Variants in MMP16 observed in about 807,000 individuals in gnomAD.
MMP16 encodes the protein matrix metalloproteinase-16.
In MMP16, 12 loss-of-function variants were observed where a neutral mutation model predicts 67.8. The ratio of observed to expected loss-of-function variants is 0.18; its 90% CI spans 0.11 to 0.29. MMP16 has a LOEUF of 0.29. Ranked by LOEUF, MMP16 falls within the 10% of genes least tolerant of loss-of-function variation. The pLI is 1.00. For missense variants in MMP16, 475 were observed against 765.7 expected, an observed-to-expected ratio of 0.62 and a Z score of 4.48; for synonymous variants, 249 against 255.9, an observed-to-expected ratio of 0.97 and a Z score of 0.26.
intron 7 of MMP16, among the ~76,000 whole-genome samples, chr8:88,061,612 A>G (rs1253442343): frequency 6.6e-6 from 1 of 152,038 alleles, no homozygotes; most frequent in African/African-American, 2.4e-5. Flanking sequence ...GCCCTGGTGC[A>G]TGGAGCAGGA....
chr8:88,188,655 T>G (rs1299503392), intron 2 of MMP16, among the ~76,000 whole-genome samples: 1 of 141,526 alleles, frequency 7.1e-6, no homozygotes, highest in Non-Finnish European at 1.6e-5. Flanking sequence ...AAAGAACAGA[T>G]TTTTTTTTTT....
chr8:88,260,422 A>AT lies in MMP16; in HGVS notation c.133-63117dup, dbSNP rs1214861114. Reference sequence around the variant, plus strand: ...TGCTACTTTTTTCACTTAAAAGTTTATTTTTTTTCGGATTTCTGGAGTCAA... The same window carrying AT: ...TGCTACTTTTTTCACTTAAAAGTTTATTTTTTTTTCGGATTTCTGGAGTCAA... On this transcript the variant is annotated intron_variant, in intron 1 of 9. Transcript: ENST00000286614. 1.1e-4 allele frequency among the ~76,000 whole-genome samples: 16 copies of AT among 151,808 alleles called. No homozygotes were observed. In the South Asian group the frequency reaches 1.2e-3, roughly 12 times the overall value.
chr8:88,319,541 T>C (rs1387826670), intron 1 of MMP16, among the ~76,000 whole-genome samples: 1 of 151,910 alleles, frequency 6.6e-6, no homozygotes, highest in Non-Finnish European at 1.5e-5. Context: ...AAAAACAAAT[T>C]TCTAATTATT....
intron 1 of MMP16, among the ~76,000 whole-genome samples, chr8:88,307,684 A>C (rs1022106709): frequency 6.6e-6 from 1 of 152,032 alleles, no homozygotes; most frequent in African/African-American, 2.4e-5. Context: ...TAGTATCACA[A>C]AAATTACTTA....
intron 6 of MMP16, among the ~76,000 whole-genome samples, chr8:88,105,932 T>G (rs557196621): frequency 6.6e-6 from 1 of 151,040 alleles, no homozygotes; most frequent in Middle Eastern, 3.4e-3. Context: ...GAGGTAACTG[T>G]TCTTAACATT....
intron 7 of MMP16, among the ~76,000 whole-genome samples, chr8:88,060,740 C>T (rs1201274796): frequency 6.6e-6 from 1 of 152,070 alleles, no homozygotes; most frequent in Non-Finnish European, 1.5e-5. Context: ...GTGTGAATAA[C>T]TTGAGGAAAA....
At chr8:88,183,741 G>A (rs1809021904) in intron 3 of MMP16, among the ~76,000 whole-genome samples, 1 of 116,814 alleles carries the variant, frequency 8.6e-6, no homozygotes, top group Non-Finnish European at 1.7e-5. Flanking sequence ...TTGAGATGGA[G>A]TTTCACTCTT....
At chr8:88,078,002 A>C (rs1021428202) in intron 6 of MMP16, among the ~76,000 whole-genome samples, 1 of 151,920 alleles carries the variant, frequency 6.6e-6, no homozygotes, top group Non-Finnish European at 1.5e-5. Flanking sequence ...TGGATCTCTA[A>C]ATCTGCTATT....
At chr8:88,273,248 C>CTTTTTTTTTT (rs575063640) in intron 1 of MMP16, among the ~76,000 whole-genome samples, 1 of 132,326 alleles carries the variant, frequency 7.6e-6, no homozygotes. Flanking sequence ...CCATGCCTGG[C>CTTTTTTTTTT]TTTTTTTTTT....
At chr8:88,269,768 C>A (rs1023810646) in intron 1 of MMP16, among the ~76,000 whole-genome samples, 26 of 152,220 alleles carry the variant, frequency 1.7e-4, no homozygotes, top group Middle Eastern at 3.4e-3. Context: ...TGCTCTACGA[C>A]CTATTAAAAT....
At chr8:88,196,657 G>T (rs986842213) in intron 2 of MMP16, among the ~76,000 whole-genome samples, 2 of 152,104 alleles carry the variant, frequency 1.3e-5, no homozygotes, top group Non-Finnish European at 2.9e-5. Flanking sequence ...GTCAGCAGTG[G>T]GGAGTTAGTA....
At position 88,041,795 on chromosome 8, in the gene MMP16, C is replaced by G; in HGVS notation, c.1490G>C (p.Gly497Ala). The change falls in exon 10 of 10, where the codon GGC (glycine) becomes GCC (alanine). Residue 497 changes from glycine (G) to alanine (A), a missense_variant and splice_region_variant. Around this residue, in one of 5 missense-constraint regions of MMP16, gnomAD observed 23 missense variants for 79.1 expected, o/e 0.29. Coordinates refer to ENST00000286614, the MANE Select transcript of MMP16 (RefSeq NM_005941.5). The surrounding 1 kb of genome is among the most constrained non-coding windows in gnomAD (Gnocchi z 6.0). Reference sequence around the variant, plus strand: ...CTTTCCTTTGTAGAAATACGTAAAGCCTAGGGGGAAAAACATACACACACA... The same window carrying G: ...CTTTCCTTTGTAGAAATACGTAAAGGCTAGGGGGAAAAACATACACACACA... ...PQGAFVHKEN[G>A]FTYFYKGKEY... 6.3e-7 allele frequency: 1 copy of G among 1,597,978 alleles called. No homozygotes were observed. The highest frequency in any genetic ancestry group is 2.2e-5 in the East Asian group (1 of 44,658).
intron 1 of MMP16, among the ~76,000 whole-genome samples, chr8:88,206,536 T>C (rs1029488466): frequency 6.6e-6 from 1 of 152,222 alleles, no homozygotes; most frequent in Non-Finnish European, 1.5e-5. Flanking sequence ...GATGGCATCC[T>C]GTCCAGGGTC....
Position 88,195,007 on chromosome 8 carries a change from G to T in MMP16, c.281+2151C>A, listed in dbSNP as rs556470608. Among the ~76,000 whole-genome samples the T allele has an allele frequency of 3.7e-4, 57 of 152,144 alleles. 1 individual carries two copies. In the Middle Eastern group the frequency reaches 0.024, roughly 64 times the overall value. On this transcript the variant is annotated intron_variant, in intron 2 of 9. Transcript: ENST00000286614. The stretch of plus-strand genomic sequence containing the variant: ...ACGCACTGACACCATCATTTTTACT[G>T]GTCTGGAATCTGAGCCACTCTGTGC...
intron 3 of MMP16, among the ~76,000 whole-genome samples, chr8:88,179,477 G>A: frequency 6.6e-6 from 1 of 150,944 alleles, no homozygotes. Flanking sequence ...TCAGAAAGAA[G>A]AAAAATGATG....
At chr8:88,111,852 T>C (rs1809343296) in intron 6 of MMP16, among the ~76,000 whole-genome samples, 1 of 151,726 alleles carries the variant, frequency 6.6e-6, no homozygotes, top group Admixed American at 6.6e-5. Flanking sequence ...ACTATGATTC[T>C]TCAGTAGAAT....
In MMP16 at chr8:88,327,355, C is replaced by T. The variant is rs1811557749; in HGVS notation, c.-149G>A. ...CCCACAGCCGGGCAAGGGGAGGAGA[C>T]AGGGGCCCCGCGCTCGGCAGCCCCC... On this transcript the variant is annotated 5_prime_UTR_variant, in exon 1 of 10. Coordinates refer to ENST00000286614, the MANE Select transcript of MMP16 (RefSeq NM_005941.5). The T allele has an allele frequency of 9.9e-7, 1 of 1,011,084 alleles. No homozygotes were observed. The highest frequency in any genetic ancestry group is 1.4e-6 in the Non-Finnish European group (1 of 698,290). The allele number at this position is 1,011,084 out of a possible 1,614,324, so 62.6% of individuals were successfully genotyped here.
intron 1 of MMP16, among the ~76,000 whole-genome samples, chr8:88,274,227 T>G (rs931021589): frequency 6.6e-6 from 1 of 152,098 alleles, no homozygotes; most frequent in African/African-American, 2.4e-5. Flanking sequence ...GATATATGTA[T>G]AGCTGAATTT....
At chr8:88,073,909 T>TC (rs972637056) in intron 7 of MMP16, among the ~76,000 whole-genome samples, 1 of 152,160 alleles carries the variant, frequency 6.6e-6, no homozygotes, top group Non-Finnish European at 1.5e-5. Context: ...TCTTCACAAT[T>TC]CCCTCAGTCC....
Sources: allele counts gnomAD v4.1 joint callset (sites outside exome capture counted in the v4.1 genomes callset), GRCh38; gene constraint gnomAD v4.1.1; regional missense constraint gnomAD v4.1.1; non-coding constraint Gnocchi (gnomAD v3.1); transcripts MANE v1.5; gene names NCBI Gene and HGNC (gene_info 2026-07-23, HGNC 2026-07-21).